CFAP54: variants seen among roughly 807,000 people sequenced by gnomAD.
The protein encoded by CFAP54 is cilia and flagella associated protein 54, also known as cilia- and flagella-associated protein 54.
CFAP54 carries 290 observed loss-of-function variants against 370.4 expected under a neutral mutation model. That is an observed-to-expected ratio of 0.78 (90% confidence interval 0.71 to 0.86). The LOEUF (loss-of-function observed/expected upper bound fraction) is 0.86. CFAP54 is among the 40% of genes least tolerant of loss of function. The pLI, the probability that CFAP54 is intolerant of heterozygous loss-of-function variation, is 0.00. For synonymous variants in CFAP54, 1,206 were observed against 1,236.5 expected, an observed-to-expected ratio of 0.98 and a Z score of 0.52; for missense variants, 3,399 against 3,528.7, an observed-to-expected ratio of 0.96 and a Z score of 0.93.
intron 50 of CFAP54, among the ~76,000 whole-genome samples, chr12:96,738,926 C>T (rs1178950879): frequency 6.6e-6 from 1 of 152,118 alleles, no homozygotes; most frequent in Non-Finnish European, 1.5e-5. Flanking sequence ...TCCCTTTTTA[C>T]AGAAACAACA....
rs1956842535 is a variant in CFAP54 at position 96,650,137 on chromosome 12, T to G, written c.4872+65T>G. On this transcript the variant is annotated intron_variant, in intron 35 of 67. Transcript: ENST00000524981. ...ATTTCAGCCCACCAACTTGGGCGTT[T>G]AAGATACATTGTGTTTATTTTCTTA... is the stretch of plus-strand genomic sequence containing the variant. 3 of 1,312,184 alleles carry G rather than the reference T, an allele frequency of 2.3e-6. No homozygotes were observed. In the South Asian group the frequency reaches 4.3e-5, roughly 19 times the overall value. The allele number at this position is 1,312,184 out of a possible 1,614,324, so 81.3% of individuals were successfully genotyped here.
intron 63 of CFAP54, 24 bp downstream of exon 63, chr12:96,792,523 C>T: frequency 2.7e-6 from 4 of 1,486,602 alleles, no homozygotes; most frequent in Non-Finnish European, 2.7e-6. Context: ...TTATAGAACT[C>T]AATATTTCAT....
At chr12:96,828,551 A>G (rs574969638) in intron 65 of CFAP54, among the ~76,000 whole-genome samples, 14 of 152,140 alleles carry the variant, frequency 9.2e-5, no homozygotes, top group Non-Finnish European at 4.4e-5. Context: ...GACAGATTCA[A>G]CCTGTCTGTG....
At chr12:96,532,325 C>T (rs533015335) in intron 9 of CFAP54, among the ~76,000 whole-genome samples, 3 of 152,294 alleles carry the variant, frequency 2.0e-5, no homozygotes, top group South Asian at 4.1e-4. Flanking sequence ...AGGGTTAGCT[C>T]CTATGCCTTT....
At chr12:96,773,472 G>A (rs1958483656) in intron 60 of CFAP54, among the ~76,000 whole-genome samples, 1 of 152,206 alleles carries the variant, frequency 6.6e-6, no homozygotes, top group Admixed American at 6.5e-5. Context: ...CATTTGGGAA[G>A]TGTCATTTTT....
At chr12:96,537,381 C>T (rs978117974) in intron 12 of CFAP54, among the ~76,000 whole-genome samples, 1 of 152,034 alleles carries the variant, frequency 6.6e-6, no homozygotes, top group African/African-American at 2.4e-5. Context: ...CTTGCTCTGT[C>T]GCCAAGCTGG....
At chr12:96,535,710 T>A (rs1955495163) in intron 12 of CFAP54, 110 bp downstream of exon 12, 1 of 650,798 alleles carries the variant, frequency 1.5e-6, no homozygotes, top group Non-Finnish European at 2.6e-6. Context: ...AAAATTTTAT[T>A]TTGTTTAATC....
In CFAP54 at chr12:96,621,667, A is replaced by G; in HGVS notation, c.3717A>G (p.Pro1239=). Residue 1239 remains proline, a synonymous_variant, in exon 27 of 68, where the codon CCA becomes CCG. Coordinates refer to ENST00000524981, the MANE Select transcript of CFAP54 (RefSeq NM_001306084.2). ...NYGKKMLDIT[P]GCKSLFDGSN... The stretch of plus-strand genomic sequence containing the variant: ...GGAAAAAAATGTTGGACATCACACC[A>G]GGATGCAAGTCTCTGTTTGATGGTA... The G allele has an allele frequency of 2.0e-6, 3 of 1,529,510 alleles. No individual in the cohort carries two copies. Among genetic ancestry groups the G allele is most frequent in the Non-Finnish European group, 2.6e-6 (3 of 1,142,846 alleles). The allele number at this position is 1,529,510 out of a possible 1,614,324, so 94.7% of individuals were successfully genotyped here.
chr12:96,664,739 CTA>C lies in CFAP54; in HGVS notation c.5563+821_5563+822del, dbSNP rs1433452591. Among the ~76,000 whole-genome samples the C allele has an allele frequency of 4.6e-4, 12 of 25,836 alleles. 1 individual carries two copies. The highest frequency in any genetic ancestry group is 1.2e-3 in the African/African-American group (9 of 7,210). The allele number at this position is 25,836 out of a possible 152,430, so 16.9% of individuals were successfully genotyped here. On this transcript the variant is annotated intron_variant, in intron 39 of 67. Transcript: ENST00000524981. ...TCTATATATATCTATATATATATAT[CTA>C]TATATATATATATCTATATATATCT...
intron 66 of CFAP54, among the ~76,000 whole-genome samples, chr12:96,832,345 C>G (rs1286513541): frequency 6.6e-6 from 1 of 150,998 alleles, no homozygotes; most frequent in East Asian, 1.9e-4. Context: ...TTTATAATGT[C>G]AATAGGCCTT....
intron 62 of CFAP54, 44 bp downstream of exon 62, chr12:96,786,942 G>A: frequency 7.6e-7 from 1 of 1,321,658 alleles, no homozygotes; most frequent in Non-Finnish European, 1.0e-6. Context: ...AAACTTCTTG[G>A]AATCATCATT....
At chr12:96,716,532 C>T (rs572898932) in intron 48 of CFAP54, among the ~76,000 whole-genome samples, 1 of 152,292 alleles carries the variant, frequency 6.6e-6, no homozygotes, top group South Asian at 2.1e-4. Flanking sequence ...CCTACTGAGC[C>T]CCTGTAGAAG....
At chr12:96,773,743 TTAAATTC>T (rs1214499718) in intron 60 of CFAP54, among the ~76,000 whole-genome samples, 11 of 152,228 alleles carry the variant, frequency 7.2e-5, no homozygotes, top group Non-Finnish European at 1.0e-4. Context: ...TCCAGCATAA[TTAAATTC>T]ATTAGTCTCT....
chr12:96,559,170 C>A (rs1592850879), intron 17 of CFAP54, among the ~76,000 whole-genome samples: 1 of 152,042 alleles, frequency 6.6e-6, no homozygotes, highest in East Asian at 1.9e-4. Flanking sequence ...GAGCCAGGAT[C>A]ACTCCACTGC....
chr12:96,776,967 C>CA (rs1287731677), intron 60 of CFAP54, among the ~76,000 whole-genome samples: 2 of 152,068 alleles, frequency 1.3e-5, no homozygotes, highest in Admixed American at 6.6e-5. Flanking sequence ...ATAAGTTTTC[C>CA]AAAATTCTAA....
Position 96,784,253 on chromosome 12 carries a change from T to G in CFAP54, c.8282-464T>G, listed in dbSNP as rs374448349. Among the ~76,000 whole-genome samples the G allele has an allele frequency of 1.3e-4, 20 of 152,302 alleles. No individual in the cohort carries two copies. In the East Asian group the frequency reaches 2.7e-3, roughly 21 times the overall value. On this transcript the variant is annotated intron_variant, in intron 60 of 67. Transcript: ENST00000524981. ...TGAACATTCCAATTTATTCACGTTA[T>G]TATCAATATTTATTATTTTCAGATT...
At chr12:96,723,487 G>T (rs1294309701) in intron 50 of CFAP54, among the ~76,000 whole-genome samples, 1 of 152,112 alleles carries the variant, frequency 6.6e-6, no homozygotes, top group Non-Finnish European at 1.5e-5. Flanking sequence ...TGTGCCACAA[G>T]CTTCTGATAG....
At chr12:96,502,237 A>G (rs17025469) in intron 2 of CFAP54, among the ~76,000 whole-genome samples, 2,560 of 152,078 alleles carry the variant, frequency 0.017, 77 homozygotes, top group African/African-American at 0.058. Context: ...GAACAAAGAA[A>G]AAGTTTTATC....
At chr12:96,534,486 A>G (rs905632178) in intron 11 of CFAP54, among the ~76,000 whole-genome samples, 1 of 152,146 alleles carries the variant, frequency 6.6e-6, no homozygotes, top group Non-Finnish European at 1.5e-5. Context: ...ATTCTGAGTG[A>G]CAGTTTTGAG....
Sources: allele counts gnomAD v4.1 joint callset (sites outside exome capture counted in the v4.1 genomes callset), GRCh38; gene constraint gnomAD v4.1.1; transcripts MANE v1.5; gene names NCBI Gene and HGNC (gene_info 2026-07-23, HGNC 2026-07-21).